The following DNHD1 variants were observed in gnomAD, a reference collection of about 807,000 sequenced individuals.
The protein encoded by DNHD1 is dynein heavy chain domain-containing protein 1.
In DNHD1, 383 loss-of-function variants were observed where a neutral mutation model predicts 458.1. The ratio of observed to expected loss-of-function variants is 0.84; its 90% CI spans 0.77 to 0.91. The LOEUF (loss-of-function observed/expected upper bound fraction) is 0.91. DNHD1 is among the 40% of genes least tolerant of loss of function. The pLI, the probability that DNHD1 is intolerant of heterozygous loss-of-function variation, is 0.00. For synonymous variants in DNHD1, 2,203 were observed against 2,376.9 expected, an observed-to-expected ratio of 0.93 and a Z score of 2.13; for missense variants, 5,336 against 5,866.1, an observed-to-expected ratio of 0.91 and a Z score of 2.95.
At chr11:6,499,836 G>A (rs1404374163) in intron 3 of DNHD1, among the ~76,000 whole-genome samples, 2 of 152,100 alleles carry the variant, frequency 1.3e-5, no homozygotes, top group African/African-American at 2.4e-5. Flanking sequence ...AAAGTGCTGG[G>A]ATTACAGGCG....
Position 6,498,627 on chromosome 11 carries a change from A to G in DNHD1, c.412A>G (p.Ser138Gly). 6.2e-7 allele frequency: 1 copy of G among 1,614,196 alleles called. No individual in the cohort carries two copies. The highest frequency in any genetic ancestry group is 1.1e-5 in the South Asian group (1 of 91,086). ...CATTGTCCAGGCCTTTCCTCCAGAC[A>G]GCTCTTTGTTAGACAGTGCTTCCCA... ...GAIVQAFPPD[S>G]SLLDSASHAD... Residue 138 changes from serine (S) to glycine (G), a missense_variant, in exon 3 of 43, where the codon AGC (serine) becomes GGC (glycine). Transcript: ENST00000254579.
At position 6,558,268 on chromosome 11, in the gene DNHD1, G is replaced by C; in HGVS notation, c.8973G>C (p.Gln2991His). ...HLPRENLGVK[Q>H]NIKKEMVLQR... ...CCAGGGAGAACCTTGGTGTCAAACAGAACATCAAGAAGGAAATGGTGTTGC... is the reference window on the plus strand; with the variant it reads ...CCAGGGAGAACCTTGGTGTCAAACACAACATCAAGAAGGAAATGGTGTTGC... Residue 2991 changes from glutamine to histidine, a missense_variant, in exon 25 of 43, where the codon CAG becomes CAC. This residue lies in a region of DNHD1 where 3,932 missense variants were observed against 4,365.6 expected (regional missense o/e 0.90). Coordinates refer to ENST00000254579, the MANE Select transcript of DNHD1 (RefSeq NM_144666.3). 1 of 1,551,496 alleles carries C rather than the reference G, an allele frequency of 6.4e-7. No homozygotes were observed. The highest frequency in any genetic ancestry group is 8.7e-7 in the Non-Finnish European group (1 of 1,146,900).
Position 6,545,281 on chromosome 11 carries a change from C to T in DNHD1, c.4342C>T (p.Leu1448=). Residue 1448 remains leucine, a synonymous_variant, in exon 21 of 43, where the codon CTG becomes TTG. Coordinates refer to ENST00000254579, the MANE Select transcript of DNHD1 (RefSeq NM_144666.3). This position sits in a 1 kb window ranked among gnomAD's most constrained non-coding sequence, Gnocchi z 4.9. ...LPLHPDLPKW[L]ASLEKCLRLA... ...TCTGCATCCAGATCTCCCTAAGTGG[C>T]TGGCCTCTCTGGAGAAGTGTCTGCG... 4 of 1,551,698 alleles carry T rather than the reference C, an allele frequency of 2.6e-6. No individual in the cohort carries two copies. Among genetic ancestry groups the T allele is most frequent in the Non-Finnish European group, 3.5e-6 (4 of 1,147,002 alleles).
chr11:6,557,153 C>G lies in DNHD1; in HGVS notation c.7858C>G (p.Gln2620Glu), dbSNP rs988970282. The G allele has an allele frequency of 6.4e-7, 1 of 1,551,640 alleles. No individual in the cohort carries two copies. The highest frequency in any genetic ancestry group is 8.7e-7 in the Non-Finnish European group (1 of 1,147,022). Residue 2620 changes from glutamine to glutamate, a missense_variant, in exon 25 of 43, where the codon CAG (glutamine) becomes GAG (glutamate). Physicochemically the swap from Gln to Glu is conservative, Grantham distance 29. This residue lies in a region of DNHD1 where 3,932 missense variants were observed against 4,365.6 expected (regional missense o/e 0.90). Transcript: ENST00000254579. ...SRGFVDYPNH[Q>E]EHLRRVSGLR... ...AGGTTTTGTGGACTATCCCAACCAC[C>G]AGGAGCACTTGCGCCGGGTGTCAGG...
At position 6,558,179 on chromosome 11, in the gene DNHD1, A is replaced by C. The variant is rs1853510038; in HGVS notation, c.8884A>C (p.Thr2962Pro). ...ACTTCATCGCCTCCTGGCCCTGGCA[A>C]CCTCAGGCAGTTTCCCTGGCCAGTA... Reference protein sequence around the residue: ...TTLHRLLALATSGSFPGQYTE... With the variant: ...TTLHRLLALAPSGSFPGQYTE... The change falls in exon 25 of 43, where the codon ACC becomes CCC. Residue 2962 changes from threonine to proline, a missense_variant. By Grantham distance (38) the Thr-to-Pro change is conservative. Transcript: ENST00000254579. 1.3e-6 allele frequency: 2 copies of C among 1,551,484 alleles called. No homozygotes were observed. The highest frequency in any genetic ancestry group is 1.7e-6 in the Non-Finnish European group (2 of 1,146,936).
rs1852055058 is a variant in DNHD1 at position 6,497,684 on chromosome 11, G to T, written c.-446+17G>T. On this transcript the variant is annotated intron_variant, in intron 2 of 42. Coordinates refer to ENST00000254579, the MANE Select transcript of DNHD1 (RefSeq NM_144666.3). ...CCTCTTCAGGTGATTGCACGTCTGTGTGCGAGTCTCTCCGTGTATGGGTGG... is the reference window on the plus strand; with the variant it reads ...CCTCTTCAGGTGATTGCACGTCTGTTTGCGAGTCTCTCCGTGTATGGGTGG... 2 of 156,248 alleles carry T rather than the reference G, an allele frequency of 1.3e-5. No individual in the cohort carries two copies. The highest frequency in any genetic ancestry group is 2.8e-5 in the Non-Finnish European group (2 of 70,416). The allele number at this position is 156,248 out of a possible 1,614,324, so 9.7% of individuals were successfully genotyped here.
At chr11:6,520,747 AATT>A in intron 10 of DNHD1, 1 of 1,003,708 alleles carries the variant, frequency 1.0e-6, no homozygotes, top group Non-Finnish European at 1.2e-6. Flanking sequence ...TATGGTTACC[AATT>A]ATTATTGGTT....
intron 3 of DNHD1, among the ~76,000 whole-genome samples, chr11:6,500,502 GC>G (rs1168951587): frequency 6.6e-6 from 1 of 152,220 alleles, no homozygotes; most frequent in African/African-American, 2.4e-5. Flanking sequence ...GGTGGCCAAT[GC>G]CATAAATTTA....
Position 6,539,999 on chromosome 11 carries a change from G to A in DNHD1, c.3544G>A (p.Ala1182Thr). The A allele has an allele frequency of 6.4e-7, 1 of 1,551,612 alleles. No individual in the cohort carries two copies. Among genetic ancestry groups the A allele is most frequent in the Non-Finnish European group, 8.7e-7 (1 of 1,146,894 alleles). ...FILHVPYEPP[A>T]SERSKRQVLR... is the part of the protein sequence containing the mutation. ...CCTGCATGTACCCTACGAGCCCCCA[G>A]CCTCAGAGCGCTCCAAGAGGCAGGT... Residue 1182 changes from alanine to threonine, a missense_variant, in exon 18 of 43, where the codon GCC becomes ACC. Around this residue, in one of 4 missense-constraint regions of DNHD1, gnomAD observed 3,932 missense variants for 4,365.6 expected, o/e 0.90. Transcript: ENST00000254579.
At chr11:6,543,481 T>A (rs1003245878) in intron 18 of DNHD1, among the ~76,000 whole-genome samples, 1 of 151,398 alleles carries the variant, frequency 6.6e-6, no homozygotes, top group African/African-American at 2.4e-5. Context: ...CTTCCCGGGC[T>A]AGAGGCTCTA....
Position 6,558,682 on chromosome 11 carries a change from C to T in DNHD1, c.9200C>T (p.Pro3067Leu). The change falls in exon 26 of 43, where the codon CCC becomes CTC. Residue 3067 changes from proline to leucine, a missense_variant. Around this residue, in one of 4 missense-constraint regions of DNHD1, gnomAD observed 3,932 missense variants for 4,365.6 expected, o/e 0.90. Transcript: ENST00000254579. ...QHHLEGAQSV[P>L]LDDGSWKYPD... ...CACCTGGAGGGTGCTCAGAGTGTGC[C>T]CCTTGATGACGGTAAGCCCTTTTTA... The T allele has an allele frequency of 1.3e-6, 2 of 1,549,942 alleles. No individual in the cohort carries two copies. Among genetic ancestry groups the T allele is most frequent in the Non-Finnish European group, 1.7e-6 (2 of 1,146,962 alleles).
chr11:6,524,516 T>C (rs73404916), intron 10 of DNHD1, among the ~76,000 whole-genome samples: 1 of 152,220 alleles, frequency 6.6e-6, no homozygotes, highest in Non-Finnish European at 1.5e-5. Context: ...TTATATGATA[T>C]TTGAGTTTTC....
intron 24 of DNHD1, among the ~76,000 whole-genome samples, chr11:6,556,348 G>A (rs574566964): frequency 6.6e-5 from 10 of 152,160 alleles, no homozygotes; most frequent in East Asian, 1.9e-4. Context: ...GCGCTTTCCT[G>A]CTAATTGTGA....
chr11:6,519,086 G>C (rs923420865), intron 7 of DNHD1, among the ~76,000 whole-genome samples: 3 of 152,068 alleles, frequency 2.0e-5, no homozygotes, highest in Non-Finnish European at 4.4e-5. Context: ...TCACAAAAAG[G>C]CTCCCAGGCT....
chr11:6,533,301 G>A, intron 13 of DNHD1, 117 bp downstream of exon 13: 1 of 1,100,874 alleles, frequency 9.1e-7, no homozygotes, highest in Non-Finnish European at 1.3e-6. Flanking sequence ...CTCTTAAACT[G>A]TGCTCGCCTA....
chr11:6,502,141 T>C (rs1852149110), intron 3 of DNHD1, among the ~76,000 whole-genome samples: 1 of 152,212 alleles, frequency 6.6e-6, no homozygotes, highest in Non-Finnish European at 1.5e-5. Context: ...ACCAATTTTG[T>C]TGACCAGAAT....
Position 6,559,101 on chromosome 11 carries a change from C to G in DNHD1, c.9411C>G (p.Ala3137=), listed in dbSNP as rs375780404. Residue 3137 remains alanine (A), a synonymous_variant, in exon 27 of 43, where the codon GCC becomes GCG. Coordinates refer to ENST00000254579, the MANE Select transcript of DNHD1 (RefSeq NM_144666.3). ...QQTILKIKNK[A]QRVQNALENL... Reference sequence around the variant, plus strand: ...CAATCCTGAAGATTAAGAACAAGGCCCAGCGGTGAGTGTCCCGTCCCCTGC... The same window carrying G: ...CAATCCTGAAGATTAAGAACAAGGCGCAGCGGTGAGTGTCCCGTCCCCTGC... 161 of 1,551,552 alleles carry G rather than the reference C, an allele frequency of 1.0e-4. No homozygotes were observed. In the African/African-American group the frequency reaches 1.8e-3, roughly 17 times the overall value.
rs750961871 is a variant in DNHD1, at chr11:6,567,669, G to T, written c.12160G>T (p.Gly4054Cys). The T allele has an allele frequency of 6.8e-6, 11 of 1,613,918 alleles. No homozygotes were observed. Among genetic ancestry groups the T allele is most frequent in the Middle Eastern group, 1.6e-4 (1 of 6,062 alleles). Residue 4054 changes from glycine (G) to cysteine (C), a missense_variant, in exon 36 of 43, where the codon GGT becomes TGT. Physicochemically the swap from Gly to Cys is radical, Grantham distance 159 (BLOSUM62 -3). This residue lies in a region of DNHD1 where 695 missense variants were observed against 804.2 expected (regional missense o/e 0.86). Coordinates refer to ENST00000254579, the MANE Select transcript of DNHD1 (RefSeq NM_144666.3). ...CGTTCTGCGACCTGAGTGCCTGGCAGGTGCCCTGGCAGACTTCACCACTAG... is the reference window on the plus strand; with the variant it reads ...CGTTCTGCGACCTGAGTGCCTGGCATGTGCCCTGGCAGACTTCACCACTAG... ...WRVLRPECLA[G>C]ALADFTTSLL...
intron 16 of DNHD1, 106 bp downstream of exon 16, chr11:6,538,916 C>A: frequency 8.5e-7 from 1 of 1,170,892 alleles, no homozygotes; most frequent in Non-Finnish European, 1.2e-6. Context: ...CTTTCATCCC[C>A]AAGTTTCTCC....
Sources: allele counts gnomAD v4.1 joint callset (sites outside exome capture counted in the v4.1 genomes callset), GRCh38; gene constraint gnomAD v4.1.1; regional missense constraint gnomAD v4.1.1; non-coding constraint Gnocchi (gnomAD v3.1); transcripts MANE v1.5; gene names NCBI Gene and HGNC (gene_info 2026-07-23, HGNC 2026-07-21).